AGO3: variants seen among roughly 807,000 people sequenced by gnomAD.
AGO3 encodes the protein protein argonaute-3.
Under a neutral mutation model 105.5 loss-of-function variants are expected in AGO3, and 16 were observed. That is an observed-to-expected ratio of 0.15 (90% CI 0.10 to 0.23). The LOEUF (loss-of-function observed/expected upper bound fraction) is 0.23, where lower values mean the gene tolerates loss of function less well. AGO3 is among the 10% of genes least tolerant of loss of function. AGO3 has a pLI of 1.00. For synonymous variants in AGO3, 340 were observed against 367.3 expected, an observed-to-expected ratio of 0.93 and a Z score of 0.85; for missense variants, 534 against 1,088.0, an observed-to-expected ratio of 0.49 and a Z score of 7.16.
chr1:36,029,433 C>T (rs1282633139), intron 12 of AGO3, among the ~76,000 whole-genome samples: 28 of 134,998 alleles, frequency 2.1e-4, no homozygotes, highest in Middle Eastern at 4.7e-3. Flanking sequence ...CTCGCTCTGT[C>T]GCCCAGGTTG....
At chr1:35,971,800 G>A (rs1173965727) in intron 3 of AGO3, among the ~76,000 whole-genome samples, 1 of 152,024 alleles carries the variant, frequency 6.6e-6, no homozygotes, top group African/African-American at 2.4e-5. Flanking sequence ...TAGCCGCATA[G>A]ATGTTGGAGC....
chr1:35,935,919 A>G (rs1646138797), intron 1 of AGO3, among the ~76,000 whole-genome samples: 1 of 152,264 alleles, frequency 6.6e-6, no homozygotes, highest in South Asian at 2.1e-4. Flanking sequence ...AGGGGAAAAA[A>G]GACCAAAGTG....
chr1:36,059,047 A>T lies in AGO3; in HGVS notation c.*3302A>T, dbSNP rs371466052. 1.3e-5 allele frequency: 2 copies of T among 152,172 alleles called. No individual in the cohort carries two copies. Among genetic ancestry groups the T allele is most frequent in the Admixed American group, 1.3e-4 (2 of 15,268 alleles). The allele number at this position is 152,172 out of a possible 1,614,324, so 9.4% of individuals were successfully genotyped here. A position where few individuals can be genotyped will look rare whatever the true frequency, so the allele number is the denominator to read the frequency against. Reference sequence around the variant, plus strand: ...CTATGTACTCTCTCACCTAATTTTCAGTCACTCATATATGCTAGAGTGGAG... The same window carrying T: ...CTATGTACTCTCTCACCTAATTTTCTGTCACTCATATATGCTAGAGTGGAG... On this transcript the variant is annotated 3_prime_UTR_variant, in exon 19 of 19. Coordinates refer to ENST00000373191, the MANE Select transcript of AGO3 (RefSeq NM_024852.4).
At position 36,032,784 on chromosome 1, in the gene AGO3, G is replaced by A. The variant is rs372279207; in HGVS notation, c.1592-1390G>A. On this transcript the variant is annotated intron_variant, in intron 12 of 18. Transcript: ENST00000373191. ...ACGGGTGGATCACTTGAGGTCAGGCGTTCAAAACCAGCGTGGCCAACATGG... is the reference window on the plus strand; with the variant it reads ...ACGGGTGGATCACTTGAGGTCAGGCATTCAAAACCAGCGTGGCCAACATGG... Among the ~76,000 whole-genome samples the A allele has an allele frequency of 7.0e-4, 107 of 152,178 alleles. 1 individual carries two copies. The highest frequency in any genetic ancestry group is 2.9e-3 in the Admixed American group (45 of 15,272).
intron 5 of AGO3, 179 bp from the exon 6 acceptor site, chr1:36,004,162 A>G: frequency 2.0e-6 from 1 of 493,042 alleles, no homozygotes; most frequent in South Asian, 4.4e-5. Flanking sequence ...GTATTTGGCC[A>G]TTTTGTATTT....
intron 5 of AGO3, among the ~76,000 whole-genome samples, chr1:36,003,704 AAAAAAAT>A (rs1032560814): frequency 5.5e-5 from 7 of 128,212 alleles, no homozygotes; most frequent in Non-Finnish European, 1.1e-4. Context: ...CAAAAAAAAA[AAAAAAAT>A]ATATATATAT....
At chr1:36,001,837 A>C (rs1640099094) in intron 5 of AGO3, among the ~76,000 whole-genome samples, 1 of 152,130 alleles carries the variant, frequency 6.6e-6, no homozygotes, top group South Asian at 2.1e-4. Flanking sequence ...AGCTATTTGG[A>C]GCGAGGAGGT....
At position 36,043,528 on chromosome 1, in the gene AGO3, T is replaced by A; in HGVS notation, c.2254T>A (p.Cys752Ser). 1.2e-6 allele frequency: 2 copies of A among 1,613,082 alleles called. No individual in the cohort carries two copies. The highest frequency in any genetic ancestry group is 1.7e-6 in the Non-Finnish European group (2 of 1,179,470). The change falls in exon 17 of 19, where the codon TGT becomes AGT. Residue 752 changes from cysteine (C) to serine (S), a missense_variant. Transcript: ENST00000373191. Reference protein sequence around the residue: ...THPYEFDFYLCSHAGIQGTSR... With the variant: ...THPYEFDFYLSSHAGIQGTSR... The stretch of plus-strand genomic sequence containing the variant: ...CCCATATGAGTTCGATTTTTACCTC[T>A]GTAGCCATGCTGGAATACAGGTAAG...
chr1:35,961,379 T>C (rs185873438), intron 2 of AGO3, among the ~76,000 whole-genome samples: 1 of 152,218 alleles, frequency 6.6e-6, no homozygotes, highest in Non-Finnish European at 1.5e-5. Context: ...CTAGCAAAGA[T>C]GAACTCAGGT....
chr1:35,963,379 TAATA>T (rs77344859), intron 2 of AGO3, among the ~76,000 whole-genome samples: 18,772 of 151,904 alleles, frequency 0.12, 2,956 homozygotes, highest in East Asian at 0.69. Flanking sequence ...AAATATACCA[TAATA>T]AATATACCAC....
At chr1:36,041,688 G>A (rs576160363) in intron 16 of AGO3, among the ~76,000 whole-genome samples, 1 of 152,288 alleles carries the variant, frequency 6.6e-6, no homozygotes, top group South Asian at 2.1e-4. Flanking sequence ...AAAGGGATTT[G>A]ATAGAAAGGA....
Position 36,007,649 on chromosome 1 carries a change from T to C in AGO3, c.794-1041T>C, listed in dbSNP as rs529211908. Among the ~76,000 whole-genome samples the C allele has an allele frequency of 2.6e-5, 4 of 151,416 alleles. No homozygotes were observed. In the South Asian group the frequency reaches 8.4e-4, roughly 32 times the overall value. On this transcript the variant is annotated intron_variant, in intron 6 of 18. Transcript: ENST00000373191. ...AGACAGAGGTTGCAGTGAGCCAAGATTGCATCATTGCACTCTGACCTGGGC... is the reference window on the plus strand; with the variant it reads ...AGACAGAGGTTGCAGTGAGCCAAGACTGCATCATTGCACTCTGACCTGGGC...
At chr1:35,952,136 C>CTTTTTTTT (rs1557648119) in intron 2 of AGO3, among the ~76,000 whole-genome samples, 1 of 111,522 alleles carries the variant, frequency 9.0e-6, no homozygotes, top group African/African-American at 4.4e-5. Flanking sequence ...TTCTTTCTTT[C>CTTTTTTTT]TTTCTTTCTT....
At position 36,061,394 on chromosome 1, in the gene AGO3, T is replaced by C. The variant is rs1029790562; in HGVS notation, c.*5649T>C. ...ACTACTCATTGAAATTTATATTACT[T>C]TACCCATCAAAACTAGTACTCCAGA... is the stretch of plus-strand genomic sequence containing the variant. On this transcript the variant is annotated 3_prime_UTR_variant, in exon 19 of 19. Transcript: ENST00000373191. The C allele has an allele frequency of 2.0e-5, 3 of 152,200 alleles. No homozygotes were observed. Among genetic ancestry groups the C allele is most frequent in the African/African-American group, 7.2e-5 (3 of 41,452 alleles). The allele number at this position is 152,200 out of a possible 1,614,324, so 9.4% of individuals were successfully genotyped here.
intron 11 of AGO3, among the ~76,000 whole-genome samples, chr1:36,024,690 C>A (rs899699739): frequency 1.3e-5 from 2 of 151,966 alleles, no homozygotes; most frequent in African/African-American, 4.8e-5. Context: ...ACATTTATTT[C>A]TTTATTTTAT....
chr1:36,019,073 G>C (rs1284067655), intron 11 of AGO3, among the ~76,000 whole-genome samples: 1 of 152,084 alleles, frequency 6.6e-6, no homozygotes, highest in East Asian at 1.9e-4. Context: ...TGGGTGACAA[G>C]GGGAGTCTTT....
chr1:35,973,012 T>A (rs1193963894), intron 4 of AGO3, among the ~76,000 whole-genome samples: 1 of 151,692 alleles, frequency 6.6e-6, no homozygotes, highest in East Asian at 1.9e-4. Context: ...TGTTTTTTTT[T>A]AAAGAAAAAT....
intron 5 of AGO3, among the ~76,000 whole-genome samples, chr1:35,973,875 T>A (rs1043035766): frequency 1.3e-5 from 2 of 152,202 alleles, no homozygotes; most frequent in Non-Finnish European, 2.9e-5. Context: ...CCAGATGTTA[T>A]ACCCACTGCT....
At chr1:35,999,039 T>A (rs753235576) in intron 5 of AGO3, among the ~76,000 whole-genome samples, 5 of 152,208 alleles carry the variant, frequency 3.3e-5, no homozygotes, top group Non-Finnish European at 7.3e-5. Flanking sequence ...TCTTGATGAA[T>A]GCTAGAGCAG....
Sources: gnomAD v4.1 joint callset for allele counts (sites outside exome capture counted in the v4.1 genomes callset) on GRCh38, gnomAD v4.1.1 for gene constraint, MANE v1.5 for transcripts, NCBI Gene and HGNC (gene_info 2026-07-23, HGNC 2026-07-21) for gene names.